Variants in FARP1 observed in about 807,000 individuals in gnomAD.
FARP1 encodes the protein FERM, ARH/RhoGEF and pleckstrin domain protein 1, also known as FERM, ARHGEF and pleckstrin domain-containing protein 1.
Under a neutral mutation model 128.8 loss-of-function variants are expected in FARP1, and 52 were observed. The observed-to-expected ratio is 0.40, with a 90% CI of 0.32 to 0.51. The LOEUF is 0.51. Among genes scored for constraint, FARP1 ranks in the 20% least tolerant of loss-of-function variants. The pLI, the probability that FARP1 is intolerant of heterozygous loss-of-function variation, is 0.45. For missense variants in FARP1, 1,333 were observed against 1,367.9 expected (o/e 0.97, Z 0.40); for synonymous variants, 580 against 551.8 (o/e 1.05, Z -0.72).
At chr13:98,333,062 C>T (rs747371553) in intron 2 of FARP1, 11 of 152,068 alleles carry the variant, frequency 7.2e-5, no homozygotes, top group Non-Finnish European at 1.5e-4. Flanking sequence ...CCACTGAGCC[C>T]AAGGAGAAAA....
Position 98,176,733 on chromosome 13 carries a change from G to C in FARP1, c.-24+33241G>C, listed in dbSNP as rs1290353147. On this transcript the variant is annotated intron_variant, in intron 1 of 26. Transcript: ENST00000319562. The surrounding 1 kb of genome is among the most constrained non-coding windows in gnomAD (Gnocchi z 6.2). The stretch of plus-strand genomic sequence containing the variant: ...TGGGGCCCTTCCTCGCCATCCCCGA[G>C]GAGGAGTTGCCCATGGACGTGTCCT... The C allele has an allele frequency of 3.7e-6, 6 of 1,614,006 alleles. No individual in the cohort carries two copies. Among genetic ancestry groups the C allele is most frequent in the Non-Finnish European group, 5.1e-6 (6 of 1,179,992 alleles).
intron 3 of FARP1, among the ~76,000 whole-genome samples, chr13:98,360,250 C>T (rs1460281871): frequency 6.6e-6 from 1 of 152,086 alleles, no homozygotes; most frequent in Non-Finnish European, 1.5e-5. Flanking sequence ...CATGCGCCAC[C>T]ACGGCTGGCT....
At chr13:98,288,921 G>A (rs1347373605) in intron 2 of FARP1, among the ~76,000 whole-genome samples, 5 of 146,758 alleles carry the variant, frequency 3.4e-5, no homozygotes, top group Non-Finnish European at 7.4e-5. Flanking sequence ...CCAGTCATAT[G>A]TTATGAATTC....
chr13:98,318,476 G>C (rs570927197), intron 2 of FARP1, among the ~76,000 whole-genome samples: 1 of 152,168 alleles, frequency 6.6e-6, no homozygotes, highest in Admixed American at 6.5e-5. Flanking sequence ...TTAGGACTTC[G>C]ACCTGTAAAT....
chr13:98,273,690 CA>C (rs1400906204), intron 2 of FARP1, among the ~76,000 whole-genome samples: 1 of 152,222 alleles, frequency 6.6e-6, no homozygotes, highest in Admixed American at 6.5e-5. Context: ...TGATGAAAAT[CA>C]TATTCTGTTG....
intron 17 of FARP1, among the ~76,000 whole-genome samples, chr13:98,427,719 G>A (rs1167589009): frequency 3.3e-5 from 5 of 152,254 alleles, no homozygotes; most frequent in East Asian, 1.9e-4. Context: ...CGCTCCTGGC[G>A]TTCTTTCTCC....
intron 2 of FARP1, among the ~76,000 whole-genome samples, chr13:98,317,895 T>C (rs1227305636): frequency 2.0e-5 from 3 of 151,442 alleles, no homozygotes; most frequent in South Asian, 2.1e-4. Context: ...TCTCTCTCTC[T>C]CTCCCTCCCT....
chr13:98,147,818 A>G (rs1394991176), intron 1 of FARP1, among the ~76,000 whole-genome samples: 1 of 79,316 alleles, frequency 1.3e-5, no homozygotes, highest in Non-Finnish European at 2.7e-5. Context: ...CATCACGCCC[A>G]GCTAATTTTT....
intron 1 of FARP1, among the ~76,000 whole-genome samples, chr13:98,202,797 A>G (rs285110): frequency 0.97 from 147,731 of 152,142 alleles, 71,878 homozygotes; most frequent in East Asian, 1. Flanking sequence ...ATAGCTCACC[A>G]CAGCCACAAA....
In FARP1 at chr13:98,411,948, GAA is replaced by G; in HGVS notation, c.1743_1744del (p.Leu583HisfsTer6). 6.2e-7 allele frequency: 1 copy of G among 1,614,110 alleles called. No individual in the cohort carries two copies. Among genetic ancestry groups the G allele is most frequent in the Non-Finnish European group, 8.5e-7 (1 of 1,179,956 alleles). On this transcript the variant is annotated frameshift_variant, in exon 16 of 27. Coordinates refer to ENST00000319562, the MANE Select transcript of FARP1 (RefSeq NM_005766.4). LOFTEE classifies it high-confidence loss of function. ...SKEDAMPEAL[K>X]SLIFPNFEPL... The stretch of plus-strand genomic sequence containing the variant: ...AAGAGGACGCCATGCCGGAAGCACT[GAA>G]AAGTCTCATATTCCCGAATTTTGAA...
intron 2 of FARP1, among the ~76,000 whole-genome samples, chr13:98,291,160 A>G (rs751297001): frequency 6.6e-6 from 1 of 152,204 alleles, no homozygotes; most frequent in Non-Finnish European, 1.5e-5. Context: ...AACATAGTCA[A>G]TTAACATGTT....
intron 2 of FARP1, among the ~76,000 whole-genome samples, chr13:98,343,094 G>A (rs1357419580): frequency 2.0e-5 from 3 of 152,150 alleles, no homozygotes. Context: ...GTCTGCAAAG[G>A]CTACGTACTG....
At position 98,152,711 on chromosome 13, in the gene FARP1, C is replaced by T. The variant is rs188648339; in HGVS notation, c.-24+9219C>T. The stretch of plus-strand genomic sequence containing the variant: ...ATATTAATTGGGAGATTTTATCTTT[C>T]ATCTGCTATTTAATATTATCTATGA... On this transcript the variant is annotated intron_variant, in intron 1 of 26. Coordinates refer to ENST00000319562, the MANE Select transcript of FARP1 (RefSeq NM_005766.4). 2.0e-5 allele frequency among the ~76,000 whole-genome samples: 3 copies of T among 152,242 alleles called. No individual in the cohort carries two copies. In the East Asian group the frequency reaches 5.8e-4, roughly 29 times the overall value.
At chr13:98,440,092 G>GCCTGAACA in intron 22 of FARP1, 31 bp from the exon 23 acceptor site, 1 of 1,610,414 alleles carries the variant, frequency 6.2e-7, no homozygotes, top group Non-Finnish European at 8.5e-7. Flanking sequence ...ATGTGCTGTG[G>GCCTGAACA]CCTGAACACC....
rs1396707133 is a variant in FARP1 at position 98,449,135 on chromosome 13, CGT to C, written c.*823_*824del. ...TGTCTGTGTCACAAGCATGAAAACC[CGT>C]GTGTCATTGATCAGCACCATTTGTG... On this transcript the variant is annotated 3_prime_UTR_variant, in exon 27 of 27. Transcript: ENST00000319562. 1 of 152,174 alleles carries C rather than the reference CGT, an allele frequency of 6.6e-6. No homozygotes were observed. The highest frequency in any genetic ancestry group is 1.5e-5 in the Non-Finnish European group (1 of 68,050). The allele number at this position is 152,174 out of a possible 1,614,324, so 9.4% of individuals were successfully genotyped here.
chr13:98,383,139 T>C (rs1258264562), intron 6 of FARP1, among the ~76,000 whole-genome samples: 1 of 152,202 alleles, frequency 6.6e-6, no homozygotes, highest in Non-Finnish European at 1.5e-5. Flanking sequence ...ATGGTAACCT[T>C]GTAGATCATA....
intron 3 of FARP1, among the ~76,000 whole-genome samples, chr13:98,359,286 C>A (rs922615905): frequency 6.6e-6 from 1 of 152,142 alleles, no homozygotes; most frequent in African/African-American, 2.4e-5. Context: ...AGCACTTACC[C>A]ACTGCCTGGC....
At chr13:98,227,831 G>C (rs369960711) in intron 2 of FARP1, among the ~76,000 whole-genome samples, 2 of 152,272 alleles carry the variant, frequency 1.3e-5, no homozygotes, top group African/African-American at 4.8e-5. Flanking sequence ...CAACATAGAT[G>C]AACCTTGAGA....
At chr13:98,356,929 G>A (rs531187084) in intron 3 of FARP1, among the ~76,000 whole-genome samples, 4 of 152,148 alleles carry the variant, frequency 2.6e-5, no homozygotes, top group African/African-American at 9.6e-5. Flanking sequence ...CACTGAGCCC[G>A]GCCAAGAAAT....
Sources: allele counts gnomAD v4.1 joint callset (sites outside exome capture counted in the v4.1 genomes callset), GRCh38; gene constraint gnomAD v4.1.1; non-coding constraint Gnocchi (gnomAD v3.1); transcripts MANE v1.5; gene names NCBI Gene and HGNC (gene_info 2026-07-23, HGNC 2026-07-21).